Variants in ADRA1A observed in about 807,000 individuals in gnomAD.
ADRA1A encodes the protein alpha-1A adrenergic receptor.
In ADRA1A, 31 loss-of-function variants were observed where a neutral mutation model predicts 29.6. The ratio of observed to expected loss-of-function variants is 1.05; its 90% CI spans 0.79 to 1.41. The LOEUF (loss-of-function observed/expected upper bound fraction) is 1.41. ADRA1A is among the 40% of genes most tolerant of loss of function. ADRA1A has a pLI of 0.00. For synonymous variants in ADRA1A, 311 were observed against 254.3 expected (o/e 1.22, Z -2.12); for missense variants, 619 against 601.1 (o/e 1.03, Z -0.31).
chr8:26,767,660 T>A (rs1427084571), downstream of ADRA1A, among the ~76,000 whole-genome samples: 1 of 152,218 alleles, frequency 6.6e-6, no homozygotes, highest in African/African-American at 2.4e-5. Flanking sequence ...AGGGCCAGAT[T>A]TCCTGTATTT....
chr8:26,764,376 A>G (rs1292884444), downstream of ADRA1A, among the ~76,000 whole-genome samples: 4 of 152,202 alleles, frequency 2.6e-5, no homozygotes, highest in Non-Finnish European at 5.9e-5. Flanking sequence ...CTGTCAGTCA[A>G]TGACAGAAGC....
downstream of ADRA1A, among the ~76,000 whole-genome samples, chr8:26,752,314 G>A (rs181824080): frequency 2.4e-4 from 37 of 152,322 alleles, 2 homozygotes; most frequent in Middle Eastern, 0.01. Context: ...GTTGGACCAG[G>A]TGTGCTATTT....
rs1246429372 is a variant in ADRA1A, at chr8:26,787,358, A to T, written c.884-16692T>A. Among the ~76,000 whole-genome samples, 1 of 152,228 alleles carries T rather than the reference A, an allele frequency of 6.6e-6. No individual in the cohort carries two copies. Among genetic ancestry groups the T allele is most frequent in the Non-Finnish European group, 1.5e-5 (1 of 68,042 alleles). ...ACAAAAATAAAATTCTCGAATGTTA[A>T]TAATTAGGTTTGTTCAGAATAGACA... is the stretch of plus-strand genomic sequence containing the variant. On this transcript the variant is annotated intron_variant, in intron 2 of 2. Coordinates refer to ENST00000380573, the MANE Select transcript of ADRA1A (RefSeq NM_000680.4). The surrounding 1 kb of genome is among the most constrained non-coding windows in gnomAD (Gnocchi z 4.2).
Position 26,769,702 on chromosome 8 carries a change from C to A in ADRA1A, c.*447G>T. The A allele has an allele frequency of 2.0e-6, 2 of 987,976 alleles. No individual in the cohort carries two copies. The highest frequency in any genetic ancestry group is 9.4e-5 in the South Asian group (2 of 21,348). 61.2% of individuals were successfully genotyped at this position (987,976 alleles called of 1,614,324 possible). ...AATGCTCTTCCTCTCTAGGCCCTCT[C>A]CCCATAAATGTCAAATGTGGCTGTC... On this transcript the variant is annotated 3_prime_UTR_variant, in exon 3 of 3. Coordinates refer to ENST00000380573, the MANE Select transcript of ADRA1A (RefSeq NM_000680.4).
chr8:26,779,457 A>C (rs1363207921), intron 2 of ADRA1A: 3 of 698,688 alleles, frequency 4.3e-6, no homozygotes, highest in Non-Finnish European at 5.2e-6. Flanking sequence ...TTAGAACAGT[A>C]ATTGATGCTA....
Position 26,770,340 on chromosome 8 carries a change from G to T in ADRA1A, c.1210C>A (p.Pro404Thr), listed in dbSNP as rs767679858. Residue 404 changes from proline to threonine, a missense_variant, in exon 3 of 3, where the codon CCC becomes ACC. By Grantham distance (38) the Pro-to-Thr change is conservative. Coordinates refer to ENST00000380573, the MANE Select transcript of ADRA1A (RefSeq NM_000680.4). ...VCEWKFFSSM[P>T]RGSARITVSK... ...ACTGTAATCCTGGCAGATCCACGGG[G>T]CATGGAAGAGAAAAATTTCCATTCA... 8.1e-6 allele frequency: 13 copies of T among 1,614,122 alleles called. No individual in the cohort carries two copies. Among genetic ancestry groups the T allele is most frequent in the Admixed American group, 1.7e-5 (1 of 60,010 alleles).
At chr8:26,760,536 C>T (rs1012101334) in intron 2 of ADRA1A, among the ~76,000 whole-genome samples, 1 of 152,098 alleles carries the variant, frequency 6.6e-6, no homozygotes, top group Admixed American at 6.5e-5. Context: ...TTTTTCAAGC[C>T]AGTCATGATA....
At chr8:26,801,070 T>C (rs985785986) in intron 2 of ADRA1A, among the ~76,000 whole-genome samples, 1 of 152,126 alleles carries the variant, frequency 6.6e-6, no homozygotes, top group African/African-American at 2.4e-5. Context: ...TTTGATAAAA[T>C]TCAACATCGC....
chr8:26,806,869 GATA>G lies in ADRA1A; in HGVS notation c.884-36206_884-36204del, dbSNP rs1220582141. ...GGGTGGGGAGGGGGCTGGCATCTGTGATAATGAGAGAAGATGCCTAGAGGGAGC... is the reference window on the plus strand; with the variant it reads ...GGGTGGGGAGGGGGCTGGCATCTGTGATGAGAGAAGATGCCTAGAGGGAGC... On this transcript the variant is annotated intron_variant, in intron 2 of 2. Transcript: ENST00000380573. The surrounding 1 kb of genome is among the most constrained non-coding windows in gnomAD (Gnocchi z 4.6). Among the ~76,000 whole-genome samples the G allele has an allele frequency of 6.6e-6, 1 of 152,118 alleles. No individual in the cohort carries two copies. The highest frequency in any genetic ancestry group is 2.4e-5 in the African/African-American group (1 of 41,436).
rs1810471161 is a variant in ADRA1A at position 26,825,265 on chromosome 8, T to G, written c.883+38822A>C. ...GGGTCATAGAGATATCTTCACTCTC[T>G]AGCTTGTTTTCTTCTTTCTGATTGT... On this transcript the variant is annotated intron_variant, in intron 2 of 2. Coordinates refer to ENST00000380573, the MANE Select transcript of ADRA1A (RefSeq NM_000680.4). This position sits in a 1 kb window ranked among gnomAD's most constrained non-coding sequence, Gnocchi z 5.7. Among the ~76,000 whole-genome samples the G allele has an allele frequency of 6.6e-6, 1 of 152,166 alleles. No homozygotes were observed. Among genetic ancestry groups the G allele is most frequent in the Non-Finnish European group, 1.5e-5 (1 of 68,026 alleles).
At chr8:26,817,300 A>C (rs1809836571) in intron 2 of ADRA1A, among the ~76,000 whole-genome samples, 1 of 152,250 alleles carries the variant, frequency 6.6e-6, no homozygotes, top group Non-Finnish European at 1.5e-5. Context: ...CAACATCATT[A>C]GTCTTTAGGA....
chr8:26,856,742 C>T (rs1813077150), intron 2 of ADRA1A, among the ~76,000 whole-genome samples: 1 of 152,304 alleles, frequency 6.6e-6, no homozygotes, highest in African/African-American at 2.4e-5. Flanking sequence ...TTTCAAGGCA[C>T]CATTTATGTT....
chr8:26,814,950 A>G (rs1271239681), intron 2 of ADRA1A, among the ~76,000 whole-genome samples: 2 of 152,216 alleles, frequency 1.3e-5, no homozygotes, highest in Non-Finnish European at 2.9e-5. Context: ...TGAGATCTAA[A>G]TTAATGGTGA....
chr8:26,750,620 T>C (rs888789743), intron 2 of ADRA1A, among the ~76,000 whole-genome samples: 11 of 152,250 alleles, frequency 7.2e-5, no homozygotes, highest in African/African-American at 2.7e-4. Context: ...TTTTAACATA[T>C]GGATTTTGGA....
intron 2 of ADRA1A, among the ~76,000 whole-genome samples, chr8:26,788,760 C>T (rs55662949): frequency 0.013 from 2,003 of 152,128 alleles, 50 homozygotes; most frequent in African/African-American, 0.045. Flanking sequence ...TGGCTCCAGA[C>T]CCTGTCCTGT....
intron 2 of ADRA1A, among the ~76,000 whole-genome samples, chr8:26,858,698 A>G (rs1813216474): frequency 6.6e-6 from 1 of 152,178 alleles, no homozygotes; most frequent in African/African-American, 2.4e-5. Flanking sequence ...CGTAGGTTGA[A>G]GGCTGACACC....
At chr8:26,802,334 G>T (rs976791381) in intron 2 of ADRA1A, among the ~76,000 whole-genome samples, 4 of 152,082 alleles carry the variant, frequency 2.6e-5, no homozygotes, top group African/African-American at 4.8e-5. Flanking sequence ...CATCTAAAAA[G>T]AAACTAATAA....
rs1056831610 is a variant in ADRA1A, at chr8:26,825,095, C to A, written c.883+38992G>T. ...TGACAGCGTTTGGTTGTTCAGAATTCAAGCATGGCATAAAACAATGCCTGC... is the reference window on the plus strand; with the variant it reads ...TGACAGCGTTTGGTTGTTCAGAATTAAAGCATGGCATAAAACAATGCCTGC... On this transcript the variant is annotated intron_variant, in intron 2 of 2. Coordinates refer to ENST00000380573, the MANE Select transcript of ADRA1A (RefSeq NM_000680.4). The surrounding 1 kb of genome is among the most constrained non-coding windows in gnomAD (Gnocchi z 5.7). Among the ~76,000 whole-genome samples the A allele has an allele frequency of 5.3e-5, 8 of 152,158 alleles. No homozygotes were observed. The highest frequency in any genetic ancestry group is 1.7e-4 in the African/African-American group (7 of 41,438).
intron 2 of ADRA1A, among the ~76,000 whole-genome samples, chr8:26,786,149 T>A (rs984767902): frequency 2.0e-5 from 3 of 152,212 alleles, no homozygotes; most frequent in Non-Finnish European, 4.4e-5. Flanking sequence ...CCATATGATC[T>A]GCTCTTGCCT....
Sources: allele counts gnomAD v4.1 joint callset (sites outside exome capture counted in the v4.1 genomes callset), GRCh38; gene constraint gnomAD v4.1.1; non-coding constraint Gnocchi (gnomAD v3.1); transcripts MANE v1.5; gene names NCBI Gene and HGNC (gene_info 2026-07-23, HGNC 2026-07-21).